RNF150: variants seen among roughly 807,000 people sequenced by gnomAD.
RNF150 encodes the protein ring finger protein 150.
Under a neutral mutation model 39.3 loss-of-function variants are expected in RNF150, and 24 were observed. The ratio of observed to expected loss-of-function variants is 0.61; its 90% CI spans 0.44 to 0.86. The LOEUF is 0.86. RNF150 is among the 40% of genes least tolerant of loss of function. RNF150 has a pLI of 0.00. For synonymous variants in RNF150, 255 were observed against 227.3 expected (o/e 1.12, Z -1.10); for missense variants, 502 against 587.8 (o/e 0.85, Z 1.51).
intron 1 of RNF150, among the ~76,000 whole-genome samples, chr4:141,157,575 A>G (rs1240554142): frequency 6.6e-6 from 1 of 152,022 alleles, no homozygotes; most frequent in Non-Finnish European, 1.5e-5. Flanking sequence ...TTTGAAGTTG[A>G]CTTCATATTT....
chr4:141,086,027 TACAC>T (rs10527153), intron 1 of RNF150, among the ~76,000 whole-genome samples: 30,771 of 139,814 alleles, frequency 0.22, 3,414 homozygotes, highest in African/African-American at 0.27. Context: ...TGAGAAGAGT[TACAC>T]ACACACACAC....
chr4:141,066,218 T>C (rs1270095122), intron 1 of RNF150, among the ~76,000 whole-genome samples: 2 of 145,278 alleles, frequency 1.4e-5, no homozygotes, highest in African/African-American at 2.5e-5. Context: ...TGTTAAAAGC[T>C]ATCATTTGTT....
chr4:141,164,937 C>G (rs985700007), intron 1 of RNF150, among the ~76,000 whole-genome samples: 9 of 152,162 alleles, frequency 5.9e-5, no homozygotes, highest in Admixed American at 1.3e-4. Context: ...GAATCAAATT[C>G]ACACATAACA....
At chr4:141,121,217 T>C (rs1370459542) in intron 1 of RNF150, among the ~76,000 whole-genome samples, 1 of 152,164 alleles carries the variant, frequency 6.6e-6, no homozygotes, top group African/African-American at 2.4e-5. Context: ...CCAGACCCTC[T>C]CTGCCCAGCA....
At chr4:141,151,868 A>G (rs1226775402) in intron 1 of RNF150, among the ~76,000 whole-genome samples, 1 of 152,188 alleles carries the variant, frequency 6.6e-6, no homozygotes, top group Non-Finnish European at 1.5e-5. Flanking sequence ...TCTTTAGTAA[A>G]CCAGCTTCAA....
intron 1 of RNF150, among the ~76,000 whole-genome samples, chr4:141,034,101 G>T (rs1007994713): frequency 6.6e-6 from 1 of 152,128 alleles, no homozygotes; most frequent in Non-Finnish European, 1.5e-5. Flanking sequence ...CAGTGTAAGG[G>T]TGTTTCATCT....
chr4:141,027,912 GTTTTTTTTT>G (rs749317137), intron 1 of RNF150, among the ~76,000 whole-genome samples: 1 of 27,102 alleles, frequency 3.7e-5, no homozygotes, highest in Non-Finnish European at 8.6e-5. Flanking sequence ...CTTGGAATTT[GTTTTTTTTT>G]TTTTGTTTTT....
upstream of RNF150, among the ~76,000 whole-genome samples, chr4:141,134,890 T>G (rs1294183935): frequency 1.3e-5 from 2 of 152,208 alleles, no homozygotes; most frequent in African/African-American, 4.8e-5. Flanking sequence ...CCCACAGTGT[T>G]TCCCCAGTCT....
chr4:140,918,973 C>T (rs1730979541), intron 5 of RNF150, among the ~76,000 whole-genome samples: 1 of 152,022 alleles, frequency 6.6e-6, no homozygotes, highest in Non-Finnish European at 1.5e-5. Flanking sequence ...AGGCCTTTGA[C>T]AAAATTCAAC....
chr4:140,990,733 T>A (rs966046895), intron 1 of RNF150, among the ~76,000 whole-genome samples: 4 of 152,232 alleles, frequency 2.6e-5, no homozygotes, highest in Non-Finnish European at 5.9e-5. Context: ...ATCCAGTCTA[T>A]CATTGATGGG....
chr4:141,098,477 GTC>G (rs1738886326), intron 1 of RNF150, among the ~76,000 whole-genome samples: 1 of 152,220 alleles, frequency 6.6e-6, no homozygotes, highest in South Asian at 2.1e-4. Context: ...CATACTGGGA[GTC>G]AAGAGTTGCA....
At chr4:141,064,811 T>C (rs1046366604) in intron 1 of RNF150, among the ~76,000 whole-genome samples, 4 of 152,106 alleles carry the variant, frequency 2.6e-5, no homozygotes, top group Admixed American at 2.6e-4. Context: ...GGCAGAGGGT[T>C]TGACACTACG....
At chr4:141,139,798 G>A (rs1037276603) in intron 1 of RNF150, among the ~76,000 whole-genome samples, 4 of 152,164 alleles carry the variant, frequency 2.6e-5, no homozygotes, top group Non-Finnish European at 5.9e-5. Flanking sequence ...GGCCATGCAG[G>A]TAGCAAGTAT....
intron 2 of RNF150, among the ~76,000 whole-genome samples, chr4:140,950,127 T>C (rs1732488049): frequency 6.6e-6 from 1 of 152,212 alleles, no homozygotes; most frequent in Non-Finnish European, 1.5e-5. Context: ...AAATTAAATT[T>C]TAATCTGTCA....
intron 1 of RNF150, among the ~76,000 whole-genome samples, chr4:141,185,791 G>T (rs1331855160): frequency 1.3e-5 from 2 of 152,218 alleles, no homozygotes; most frequent in Non-Finnish European, 2.9e-5. Flanking sequence ...AGATAATCAT[G>T]TGGTTTTTGT....
chr4:141,112,416 G>T (rs1050818176), intron 1 of RNF150, among the ~76,000 whole-genome samples: 1 of 152,116 alleles, frequency 6.6e-6, no homozygotes, highest in African/African-American at 2.4e-5. Context: ...TGTAATGCAG[G>T]CCTAGTGGTG....
intron 1 of RNF150, among the ~76,000 whole-genome samples, chr4:141,045,056 A>C (rs560724816): frequency 1.4e-4 from 21 of 152,340 alleles, no homozygotes; most frequent in African/African-American, 5.1e-4. Flanking sequence ...TTCCCATCAT[A>C]TATGTAAAAA....
intron 1 of RNF150, among the ~76,000 whole-genome samples, chr4:141,184,895 G>A (rs1727973893): frequency 6.6e-6 from 1 of 150,754 alleles, no homozygotes; most frequent in African/African-American, 2.4e-5. Flanking sequence ...GTGTGTGTGA[G>A]TTTATCATTA....
intron 1 of RNF150, among the ~76,000 whole-genome samples, chr4:141,182,835 A>T: frequency 7.3e-6 from 1 of 137,560 alleles, no homozygotes; most frequent in African/African-American, 2.8e-5. Flanking sequence ...AACTACTTTA[A>T]AGTTCATATG....
Sources: allele counts gnomAD v4.1 joint callset (sites outside exome capture counted in the v4.1 genomes callset), GRCh38; gene constraint gnomAD v4.1.1; transcripts MANE v1.5; gene names NCBI Gene and HGNC (gene_info 2026-07-23, HGNC 2026-07-21).